The following FLT4 variants were observed in gnomAD, a reference collection of about 807,000 sequenced individuals.
FLT4 encodes the protein fms related receptor tyrosine kinase 4.
A neutral mutation model predicts 163.2 loss-of-function variants in FLT4; 30 were observed. The observed-to-expected ratio is 0.18, with a 90% confidence interval of 0.14 to 0.25. FLT4 has a LOEUF of 0.25. FLT4 is among the 10% of genes least tolerant of loss of function. FLT4 has a pLI of 1.00. For synonymous variants in FLT4, 884 were observed against 789.5 expected, an observed-to-expected ratio of 1.12 and a Z score of -2.01; for missense variants, 1,510 against 1,863.8, an observed-to-expected ratio of 0.81 and a Z score of 3.50.
At position 180,630,712 on chromosome 5, in the gene FLT4, C is replaced by T. The variant is rs757562382; in HGVS notation, c.243G>A (p.Val81=). The T allele has an allele frequency of 1.2e-6, 2 of 1,612,294 alleles. No individual in the cohort carries two copies. Residue 81 remains valine (V), a synonymous_variant, in exon 3 of 30, where the codon GTG becomes GTA. Transcript: ENST00000261937. This position sits in a 1 kb window ranked among gnomAD's most constrained non-coding sequence, Gnocchi z 6.3. ...TGGCGTCTGTGCCCTCGCAGTCTCG[C>T]ACCACCCCCGTGTCCTCGCTGTCCT... ...GDKDSEDTGV[V]RDCEGTDARP...
intron 12 of FLT4, among the ~76,000 whole-genome samples, chr5:180,622,287 C>T (rs2127819032): frequency 7.9e-6 from 1 of 125,998 alleles, no homozygotes; most frequent in East Asian, 2.5e-4. Flanking sequence ...CCCTGATCTA[C>T]ATCTCTCTGC....
At chr5:180,627,410 TG>T (rs1763712411) in intron 8 of FLT4, among the ~76,000 whole-genome samples, 1 of 152,190 alleles carries the variant, frequency 6.6e-6, no homozygotes, top group Non-Finnish European at 1.5e-5. Flanking sequence ...TGCCACTTGC[TG>T]GATCTGAGAC....
At chr5:180,632,080 G>T (rs933758106) in intron 1 of FLT4, among the ~76,000 whole-genome samples, 6 of 152,176 alleles carry the variant, frequency 3.9e-5, no homozygotes, top group African/African-American at 1.2e-4. Flanking sequence ...TGAGCTGAGC[G>T]GCTGGCATGA....
chr5:180,610,761 G>A (rs1762110637), intron 27 of FLT4, among the ~76,000 whole-genome samples: 1 of 151,216 alleles, frequency 6.6e-6, no homozygotes, highest in Non-Finnish European at 1.5e-5. Context: ...ACCTCTCCGG[G>A]AGAAAAAGTA....
At position 180,630,373 on chromosome 5, in the gene FLT4, T is replaced by C; in HGVS notation, c.401-36A>G. ...GGAGCAAGCTGTTGGGGAAGGGACG[T>C]GGCGGCCAGGCTGGGGGAGGGCTCC... is the stretch of plus-strand genomic sequence containing the variant. On this transcript the variant is annotated intron_variant, in intron 3 of 29. Coordinates refer to ENST00000261937, the MANE Select transcript of FLT4 (RefSeq NM_182925.5). This position sits in a 1 kb window ranked among gnomAD's most constrained non-coding sequence, Gnocchi z 6.3. The C allele has an allele frequency of 1.3e-6, 2 of 1,589,876 alleles. No homozygotes were observed. The highest frequency in any genetic ancestry group is 2.2e-5 in the South Asian group (2 of 90,758).
chr5:180,628,628 C>T (rs1763833113), intron 8 of FLT4, among the ~76,000 whole-genome samples: 1 of 152,208 alleles, frequency 6.6e-6, no homozygotes. Context: ...CTCGCTGTGC[C>T]CACCACACCC....
At chr5:180,646,098 T>C (rs1039328676) in intron 1 of FLT4, among the ~76,000 whole-genome samples, 1 of 152,138 alleles carries the variant, frequency 6.6e-6, no homozygotes, top group African/African-American at 2.4e-5. Flanking sequence ...TGTCCCATCA[T>C]ACTCAAGTGC....
rs752461171 is a variant in FLT4 at position 180,630,383 on chromosome 5, G to A, written c.401-46C>T. On this transcript the variant is annotated intron_variant, in intron 3 of 29. Coordinates refer to ENST00000261937, the MANE Select transcript of FLT4 (RefSeq NM_182925.5). This position sits in a 1 kb window ranked among gnomAD's most constrained non-coding sequence, Gnocchi z 6.3. ...GTTGGGGAAGGGACGTGGCGGCCAG[G>A]CTGGGGGAGGGCTCCACGGGGCTGG... 4 of 1,575,338 alleles carry A rather than the reference G, an allele frequency of 2.5e-6. No homozygotes were observed. Among genetic ancestry groups the A allele is most frequent in the East Asian group, 4.5e-5 (2 of 44,636 alleles).
chr5:180,646,930 G>A (rs1156874565), intron 1 of FLT4, among the ~76,000 whole-genome samples: 1 of 152,178 alleles, frequency 6.6e-6, no homozygotes, highest in Non-Finnish European at 1.5e-5. Flanking sequence ...CCATAGGCCT[G>A]GTGGATGAGG....
In FLT4 at chr5:180,603,160, C is replaced by G; in HGVS notation, c.*32G>C. On this transcript the variant is annotated 3_prime_UTR_variant, in exon 30 of 30. Coordinates refer to ENST00000261937, the MANE Select transcript of FLT4 (RefSeq NM_182925.5). Reference sequence around the variant, plus strand: ...TCTGCCCGCCCTGCCGGGCCTGAACCCCCAAGTGCTGGGGGTCTTGTCCGA... The same window carrying G: ...TCTGCCCGCCCTGCCGGGCCTGAACGCCCAAGTGCTGGGGGTCTTGTCCGA... The G allele has an allele frequency of 6.2e-7, 1 of 1,610,878 alleles. No individual in the cohort carries two copies. The highest frequency in any genetic ancestry group is 1.7e-5 in the Admixed American group (1 of 59,988).
intron 8 of FLT4, among the ~76,000 whole-genome samples, chr5:180,627,416 T>C (rs1763713041): frequency 6.6e-6 from 1 of 152,192 alleles, no homozygotes; most frequent in Non-Finnish European, 1.5e-5. Context: ...TTGCTGGATC[T>C]GAGACTCCTT....
At chr5:180,628,757 C>A in intron 8 of FLT4, 125 bp downstream of exon 8, 1 of 710,384 alleles carries the variant, frequency 1.4e-6, no homozygotes, top group East Asian at 2.5e-5. Context: ...GAGAGGCCCC[C>A]GCCATGCCTG....
intron 7 of FLT4, 42 bp from the exon 8 acceptor site, chr5:180,629,041 G>A (rs373302156): frequency 1.7e-5 from 26 of 1,550,586 alleles, no homozygotes; most frequent in East Asian, 4.5e-5. Context: ...GGACTGACCC[G>A]TCGTGGACTG....
At chr5:180,622,204 G>A (rs1763206277) in intron 12 of FLT4, among the ~76,000 whole-genome samples, 1 of 152,066 alleles carries the variant, frequency 6.6e-6, no homozygotes. Context: ...TTGTCTCTCT[G>A]GTCACTTCTG....
intron 22 of FLT4, among the ~76,000 whole-genome samples, 186 bp downstream of exon 22, chr5:180,616,714 G>A (rs1330298762): frequency 6.6e-6 from 1 of 152,194 alleles, no homozygotes; most frequent in African/African-American, 2.4e-5. Context: ...AGACTCTGCT[G>A]CTGACCAGCC....
intron 29 of FLT4, among the ~76,000 whole-genome samples, chr5:180,607,674 T>TAA (rs35132134): frequency 6.7e-6 from 1 of 150,302 alleles, no homozygotes; most frequent in East Asian, 1.9e-4. Flanking sequence ...TATATATATA[T>TAA]AAAATAAAGA....
intron 22 of FLT4, 69 bp downstream of exon 22, chr5:180,616,831 C>T (rs761162280): frequency 8.2e-7 from 1 of 1,221,138 alleles, no homozygotes; most frequent in South Asian, 1.2e-5. Context: ...AGGCCAGTAC[C>T]AAGCACTTCT....
At chr5:180,637,529 G>A (rs1015119441) in intron 1 of FLT4, among the ~76,000 whole-genome samples, 5 of 151,792 alleles carry the variant, frequency 3.3e-5, no homozygotes, top group Non-Finnish European at 5.9e-5. Flanking sequence ...ATCTCCCATC[G>A]TTTTTGTTTG....
chr5:180,626,578 G>A (rs1763634428), intron 8 of FLT4, among the ~76,000 whole-genome samples: 1 of 152,186 alleles, frequency 6.6e-6, no homozygotes, highest in Non-Finnish European at 1.5e-5. Flanking sequence ...GTCACTGCTG[G>A]GGCAGCCGCC....
Sources: gnomAD v4.1 joint callset for allele counts (sites outside exome capture counted in the v4.1 genomes callset) on GRCh38, gnomAD v4.1.1 for gene constraint, Gnocchi (gnomAD v3.1) non-coding constraint, MANE v1.5 for transcripts, NCBI Gene and HGNC (gene_info 2026-07-23, HGNC 2026-07-21) for gene names.